SLC24A3: variants seen among roughly 807,000 people sequenced by gnomAD.
SLC24A3 encodes solute carrier family 24 member 3, also known as sodium/potassium/calcium exchanger 3.
Under a neutral mutation model 75.8 loss-of-function variants are expected in SLC24A3, and 28 were observed. The observed-to-expected ratio is 0.37, with a 90% CI of 0.27 to 0.51. SLC24A3 has a LOEUF of 0.51. Ranked by LOEUF, SLC24A3 falls within the 20% of genes least tolerant of loss-of-function variation. The probability of loss-of-function intolerance (pLI) is 0.94; values close to 1 mark genes in which losing one functional copy is unlikely to be tolerated. For synonymous variants in SLC24A3, 372 were observed against 334.1 expected, an observed-to-expected ratio of 1.11 and a Z score of -1.24; for missense variants, 663 against 847.8, an observed-to-expected ratio of 0.78 and a Z score of 2.71.
At chr20:19,280,863 A>G in intron 1 of SLC24A3, 96 bp from the exon 2 acceptor site, 1 of 1,494,570 alleles carries the variant, frequency 6.7e-7, no homozygotes, top group South Asian at 1.3e-5. Context: ...GCGGGGCTGA[A>G]CAAGTGATGG....
intron 2 of SLC24A3, among the ~76,000 whole-genome samples, chr20:19,348,578 A>G (rs189013478): frequency 3.3e-5 from 5 of 152,176 alleles, no homozygotes; most frequent in East Asian, 3.9e-4. Flanking sequence ...CCAGCCCCCA[A>G]TGCCTAATAA....
intron 3 of SLC24A3, among the ~76,000 whole-genome samples, chr20:19,528,797 G>A (rs533719014): frequency 1.3e-5 from 2 of 152,170 alleles, no homozygotes; most frequent in African/African-American, 2.4e-5. Flanking sequence ...TTAGGCAGAG[G>A]GGGTATTTTT....
intron 2 of SLC24A3, among the ~76,000 whole-genome samples, chr20:19,376,385 A>G (rs2122364462): frequency 6.6e-6 from 1 of 152,342 alleles, no homozygotes; most frequent in South Asian, 2.1e-4. Flanking sequence ...GAACAGTAAC[A>G]TAAAGGGTAA....
chr20:19,214,061 C>T (rs1407761790), intron 1 of SLC24A3, among the ~76,000 whole-genome samples: 1 of 152,118 alleles, frequency 6.6e-6, no homozygotes, highest in East Asian at 1.9e-4. Flanking sequence ...TGATAGTCAC[C>T]GTAAAATATT....
At chr20:19,386,466 T>C (rs1986274673) in intron 2 of SLC24A3, among the ~76,000 whole-genome samples, 1 of 152,188 alleles carries the variant, frequency 6.6e-6, no homozygotes, top group African/African-American at 2.4e-5. Flanking sequence ...GTAGAAGTGG[T>C]GAGAGTGGGC....
At chr20:19,516,705 C>T (rs1354479587) in intron 3 of SLC24A3, among the ~76,000 whole-genome samples, 1 of 152,206 alleles carries the variant, frequency 6.6e-6, no homozygotes, top group African/African-American at 2.4e-5. Flanking sequence ...CAGACTTCCA[C>T]GTGGCAGCCC....
intron 2 of SLC24A3, among the ~76,000 whole-genome samples, chr20:19,493,432 T>C (rs965881562): frequency 1.3e-5 from 2 of 152,250 alleles, no homozygotes; most frequent in Admixed American, 6.5e-5. Flanking sequence ...ACACCTGTTA[T>C]AGAGTTGGTA....
rs113899673 is a variant in SLC24A3, at chr20:19,685,084, G to A, written c.1063-16G>A. 9.6e-5 allele frequency: 153 copies of A among 1,591,584 alleles called. 1 individual carries two copies. The highest frequency in any genetic ancestry group is 1.3e-4 in the African/African-American group (10 of 74,406). On this transcript the variant is annotated splice_polypyrimidine_tract_variant and intron_variant, in intron 11 of 16. Transcript: ENST00000328041. ...ATCCCTCTGACCGTGGTAAGAGTGC[G>A]CCTTTCTCTTTCCAGAGACAAAGAT...
intron 2 of SLC24A3, among the ~76,000 whole-genome samples, chr20:19,329,542 A>G (rs1361090291): frequency 3.9e-5 from 6 of 152,244 alleles, no homozygotes; most frequent in Admixed American, 3.9e-4. Flanking sequence ...GAAGTTTGTC[A>G]CATTACTTTG....
At chr20:19,387,417 G>C (rs1986290329) in intron 2 of SLC24A3, among the ~76,000 whole-genome samples, 1 of 151,868 alleles carries the variant, frequency 6.6e-6, no homozygotes, top group Non-Finnish European at 1.5e-5. Flanking sequence ...TGTAAAGTTA[G>C]TCTATTTGAG....
In SLC24A3 at chr20:19,424,745, CAAAAAAAAAAA is replaced by C. The variant is rs528342351; in HGVS notation, c.272-90727_272-90717del. 1.8e-4 allele frequency among the ~76,000 whole-genome samples: 9 copies of C among 49,150 alleles called. No homozygotes were observed. The South Asian group carries it at 5.8e-3, about 32-fold the overall frequency. 32.2% of individuals were successfully genotyped at this position (49,150 alleles called of 152,430 possible). A position where few individuals can be genotyped will look rare whatever the true frequency, so the allele number is the denominator to read the frequency against. On this transcript the variant is annotated intron_variant, in intron 2 of 16. Transcript: ENST00000328041. ...CCCTTTCTCAAAAAAAAAACAACAA[CAAAAAAAAAAA>C]AAAAAAAAAAAAAAACTTGAGCATA...
chr20:19,527,506 G>T (rs2122571507), intron 3 of SLC24A3, among the ~76,000 whole-genome samples: 1 of 152,250 alleles, frequency 6.6e-6, no homozygotes, highest in South Asian at 2.1e-4. Context: ...GATGAACTTT[G>T]GGGGGCCAGA....
chr20:19,687,533 A>C (rs901322963), intron 12 of SLC24A3, among the ~76,000 whole-genome samples: 37 of 152,232 alleles, frequency 2.4e-4, no homozygotes, highest in Non-Finnish European at 1.2e-4. Flanking sequence ...TTAGCTGGCC[A>C]TAACCAAGCT....
At chr20:19,487,801 C>T (rs6112410) in intron 2 of SLC24A3, among the ~76,000 whole-genome samples, 9,105 of 152,272 alleles carry the variant, frequency 0.06, 820 homozygotes, top group African/African-American at 0.2. Context: ...TTTGCTGATC[C>T]CCAAGATACT....
intron 1 of SLC24A3, among the ~76,000 whole-genome samples, chr20:19,258,348 C>A (rs939070475): frequency 1.3e-5 from 2 of 152,210 alleles, no homozygotes; most frequent in East Asian, 1.9e-4. Flanking sequence ...TGGGCAAAAG[C>A]AAACTTCTTT....
chr20:19,661,688 A>G (rs576741272), intron 7 of SLC24A3, among the ~76,000 whole-genome samples: 11 of 152,328 alleles, frequency 7.2e-5, no homozygotes, highest in African/African-American at 1.4e-4. Context: ...AGCTTCAGCA[A>G]TGCAGCCTCT....
intron 2 of SLC24A3, among the ~76,000 whole-genome samples, chr20:19,352,758 T>A (rs6046010): frequency 6.6e-6 from 1 of 151,952 alleles, no homozygotes; most frequent in Non-Finnish European, 1.5e-5. Flanking sequence ...AGAGACATTG[T>A]GTAGGAATTT....
At chr20:19,358,861 A>G (rs972268767) in intron 2 of SLC24A3, among the ~76,000 whole-genome samples, 2 of 152,170 alleles carry the variant, frequency 1.3e-5, no homozygotes, top group African/African-American at 4.8e-5. Context: ...TATAAATGGA[A>G]TCATACAATT....
At chr20:19,213,906 G>A (rs1267353394) in intron 1 of SLC24A3, among the ~76,000 whole-genome samples, 1 of 152,150 alleles carries the variant, frequency 6.6e-6, no homozygotes, top group Non-Finnish European at 1.5e-5. Flanking sequence ...CGATTAGTGG[G>A]AAAACAGCCA....
Sources: gnomAD v4.1 joint callset for allele counts (sites outside exome capture counted in the v4.1 genomes callset) on GRCh38, gnomAD v4.1.1 for gene constraint, MANE v1.5 for transcripts, NCBI Gene and HGNC (gene_info 2026-07-23, HGNC 2026-07-21) for gene names.